The following ARHGAP6 variants were observed in gnomAD, a reference collection of about 807,000 sequenced individuals.
ARHGAP6 encodes rho GTPase-activating protein 6.
In ARHGAP6, 16 loss-of-function variants were observed where a neutral mutation model predicts 55.7. The observed-to-expected ratio is 0.29, with a 90% CI of 0.19 to 0.44. The LOEUF (loss-of-function observed/expected upper bound fraction) is 0.44. ARHGAP6 is among the 20% of genes least tolerant of loss of function. The pLI, the probability that ARHGAP6 is intolerant of heterozygous loss-of-function variation, is 1.00. For synonymous variants in ARHGAP6, 382 were observed against 360.9 expected, an observed-to-expected ratio of 1.06 and a Z score of -0.66; for missense variants, 698 against 808.9, an observed-to-expected ratio of 0.86 and a Z score of 1.66.
intron 1 of ARHGAP6, among the ~76,000 whole-genome samples, chrX:11,504,095 T>C (rs2050708665): frequency 9.0e-6 from 1 of 111,628 alleles, no homozygotes; most frequent in African/African-American, 3.3e-5. Flanking sequence ...TTTTTTCTCA[T>C]TTGTTGGGAA....
At chrX:11,607,613 T>G (rs2052050798) in intron 1 of ARHGAP6, among the ~76,000 whole-genome samples, 1 of 112,491 alleles carries the variant, frequency 8.9e-6, no homozygotes, top group African/African-American at 3.2e-5. Flanking sequence ...GAGGTTATGT[T>G]CAGGGTTTAA....
intron 1 of ARHGAP6, among the ~76,000 whole-genome samples, chrX:11,382,314 C>T (rs1408735075): frequency 1.8e-5 from 2 of 110,839 alleles, no homozygotes; most frequent in South Asian, 3.9e-4. Flanking sequence ...AACCCCCCAC[C>T]ACAGGAAAAG....
At chrX:11,401,155 G>GTTT (rs2049543673) in intron 1 of ARHGAP6, among the ~76,000 whole-genome samples, 1 of 111,558 alleles carries the variant, frequency 9.0e-6, no homozygotes, top group African/African-American at 3.3e-5. Flanking sequence ...TGACAAAAGA[G>GTTT]GAAAAGCACG....
At chrX:11,393,982 TA>T (rs2049443800) in intron 1 of ARHGAP6, among the ~76,000 whole-genome samples, 1 of 111,600 alleles carries the variant, frequency 9.0e-6, no homozygotes, top group Non-Finnish European at 1.9e-5. Flanking sequence ...TACACCCTCA[TA>T]AATAGCTTAA....
chrX:11,408,926 C>T (rs1009816456), intron 1 of ARHGAP6, among the ~76,000 whole-genome samples: 23 of 110,100 alleles, frequency 2.1e-4, no homozygotes, highest in African/African-American at 6.9e-4. Flanking sequence ...CACACACACA[C>T]GCACACACAC....
At chrX:11,427,952 T>G (rs2049905744) in intron 1 of ARHGAP6, among the ~76,000 whole-genome samples, 1 of 111,385 alleles carries the variant, frequency 9.0e-6, no homozygotes, top group Admixed American at 9.3e-5. Context: ...CTGACAGCTG[T>G]TGGGGGCTGC....
chrX:11,576,507 T>G (rs1172791558), intron 1 of ARHGAP6, among the ~76,000 whole-genome samples: 1 of 111,786 alleles, frequency 8.9e-6, no homozygotes, highest in African/African-American at 3.2e-5. Context: ...AATTGCATCT[T>G]TGTGACTTGC....
At position 11,500,853 on chromosome X, in the gene ARHGAP6, T is replaced by C. The variant is rs182403653; in HGVS notation, c.588+163388A>G. ...TCTCTTGTAAGCTCTATTTATAATG[T>C]ATATGAAGATTTCAATAGGATCATG... On this transcript the variant is annotated intron_variant, in intron 1 of 12. Coordinates refer to ENST00000337414, the MANE Select transcript of ARHGAP6 (RefSeq NM_013427.3). Among the ~76,000 whole-genome samples the C allele has an allele frequency of 5.4e-5, 6 of 110,725 alleles. No individual in the cohort carries two copies. The East Asian group carries it at 1.4e-3, about 26-fold the overall frequency.
chrX:11,350,669 A>C lies in ARHGAP6; in HGVS notation c.589-95962T>G, dbSNP rs745969634. Among the ~76,000 whole-genome samples the C allele has an allele frequency of 3.6e-5, 4 of 112,316 alleles. 1 individual carries two copies. In the South Asian group the frequency reaches 1.1e-3, roughly 31 times the overall value. On this transcript the variant is annotated intron_variant, in intron 1 of 12. Coordinates refer to ENST00000337414, the MANE Select transcript of ARHGAP6 (RefSeq NM_013427.3). ...TGTCCCAAACAGAATGAATTTGACA[A>C]TTTGTGAATCATGAAAAAAGAAAGA...
chrX:11,501,511 T>C (rs964226924), intron 1 of ARHGAP6, among the ~76,000 whole-genome samples: 1 of 111,557 alleles, frequency 9.0e-6, no homozygotes, highest in Non-Finnish European at 1.9e-5. Context: ...AAAACTAAAT[T>C]ACAACTGACA....
chrX:11,398,871 C>T (rs1457185264), intron 1 of ARHGAP6, among the ~76,000 whole-genome samples: 1 of 111,776 alleles, frequency 8.9e-6, no homozygotes, highest in Non-Finnish European at 1.9e-5. Flanking sequence ...TAATTTATTT[C>T]TGAATCCAGA....
chrX:11,150,700 G>T (rs887386250), intron 10 of ARHGAP6, among the ~76,000 whole-genome samples: 3 of 111,670 alleles, frequency 2.7e-5, no homozygotes, highest in African/African-American at 9.8e-5. Context: ...GAGGCAGGAA[G>T]ATCGCTTGAG....
Position 11,610,496 on chromosome X carries a change from T to G in ARHGAP6, c.588+53745A>C, listed in dbSNP as rs1265593105. Among the ~76,000 whole-genome samples the G allele has an allele frequency of 2.7e-5, 3 of 111,732 alleles. No homozygotes were observed. The East Asian group carries it at 8.4e-4, about 31-fold the overall frequency. On this transcript the variant is annotated intron_variant, in intron 1 of 12. Transcript: ENST00000337414. ...CAGAGCCCTGGATTGTTATATGCACTCTAAATTCCTCCAGCGGTCATATGG... is the reference window on the plus strand; with the variant it reads ...CAGAGCCCTGGATTGTTATATGCACGCTAAATTCCTCCAGCGGTCATATGG...
chrX:11,535,106 G>A (rs2051089202), intron 1 of ARHGAP6, among the ~76,000 whole-genome samples: 1 of 111,398 alleles, frequency 9.0e-6, no homozygotes, highest in Admixed American at 9.6e-5. Flanking sequence ...TGCAATAAGA[G>A]CTGGTAGGAA....
At chrX:11,232,972 A>G (rs1211724204) in intron 2 of ARHGAP6, among the ~76,000 whole-genome samples, 1 of 112,429 alleles carries the variant, frequency 8.9e-6, no homozygotes, top group Non-Finnish European at 1.9e-5. Flanking sequence ...GCCATACAGG[A>G]GGTGCACAAT....
chrX:11,234,212 T>A (rs1409460993), intron 2 of ARHGAP6, among the ~76,000 whole-genome samples: 2 of 112,350 alleles, frequency 1.8e-5, no homozygotes, highest in African/African-American at 6.5e-5. Flanking sequence ...TTCTGTAGGA[T>A]CCTGCGTGGG....
intron 1 of ARHGAP6, among the ~76,000 whole-genome samples, chrX:11,324,441 C>A (rs183955685): frequency 9.1e-4 from 101 of 111,501 alleles, no homozygotes; most frequent in African/African-American, 3.0e-3. Context: ...GAAAGTTAGC[C>A]AAAGCTTTAG....
At chrX:11,520,732 G>A (rs967655449) in intron 1 of ARHGAP6, among the ~76,000 whole-genome samples, 32 of 111,436 alleles carry the variant, frequency 2.9e-4, no homozygotes, top group Admixed American at 4.8e-4. Context: ...CTGAGGAATC[G>A]CCACACTGAC....
chrX:11,592,650 A>T (rs62588015), intron 1 of ARHGAP6, among the ~76,000 whole-genome samples: 22,238 of 111,056 alleles, frequency 0.2, 1,855 homozygotes, highest in African/African-American at 0.27. Flanking sequence ...ACTAGTGATA[A>T]AATCCACATG....
Sources: allele counts gnomAD v4.1 joint callset (sites outside exome capture counted in the v4.1 genomes callset), GRCh38; gene constraint gnomAD v4.1.1; transcripts MANE v1.5; gene names NCBI Gene and HGNC (gene_info 2026-07-23, HGNC 2026-07-21).